SGCG: variants seen among roughly 807,000 people sequenced by gnomAD.
SGCG encodes the protein sarcoglycan gamma, also known as gamma-sarcoglycan.
Under a neutral mutation model 29.3 loss-of-function variants are expected in SGCG, and 26 were observed. The observed-to-expected ratio is 0.89, with a 90% confidence interval of 0.65 to 1.23. The LOEUF (loss-of-function observed/expected upper bound fraction) is 1.23, where lower values mean the gene tolerates loss of function less well. Ranked by LOEUF, SGCG falls within the 50% of genes most tolerant of loss-of-function variation. The pLI is 0.00. For missense variants in SGCG, 353 were observed against 356.0 expected (o/e 0.99, Z 0.07); for synonymous variants, 145 against 129.7 (o/e 1.12, Z -0.80).
rs767248231 is a variant in SGCG at position 23,250,610 on chromosome 13, T to G, written c.298-20T>G. The G allele has an allele frequency of 6.7e-7, 1 of 1,485,322 alleles. No homozygotes were observed. The highest frequency in any genetic ancestry group is 2.3e-5 in the East Asian group (1 of 44,158). The allele number at this position is 1,485,322 out of a possible 1,614,324, so 92.0% of individuals were successfully genotyped here. ...TTTTAAACAGCACCTATTTTGCAAATTTTATAAATCTCTTTCTAGGACTCA... is the reference window on the plus strand; with the variant it reads ...TTTTAAACAGCACCTATTTTGCAAAGTTTATAAATCTCTTTCTAGGACTCA... On this transcript the variant is annotated intron_variant, in intron 3 of 7. Coordinates refer to ENST00000218867, the MANE Select transcript of SGCG (RefSeq NM_000231.3).
In SGCG at chr13:23,302,459, C is replaced by G. The variant is rs139702193; in HGVS notation, c.578+6972C>G. ...TATCTATTAGCCAGCCCCTCCCTAT[C>G]CTCTCCTCCTCCCATTATTGTATAT... On this transcript the variant is annotated intron_variant, in intron 6 of 7. Transcript: ENST00000218867. Among the ~76,000 whole-genome samples, 831 of 152,090 alleles carry G rather than the reference C, an allele frequency of 5.5e-3. 8 individuals carry two copies. Among genetic ancestry groups the G allele is most frequent in the African/African-American group, 0.019 (789 of 41,532 alleles).
intron 2 of SGCG, among the ~76,000 whole-genome samples, chr13:23,214,296 G>A (rs1878344619): frequency 6.6e-6 from 1 of 152,176 alleles, no homozygotes; most frequent in Non-Finnish European, 1.5e-5. Flanking sequence ...TTGAGACTGA[G>A]CTCCCATCTC....
intron 2 of SGCG, among the ~76,000 whole-genome samples, chr13:23,226,428 C>CAAAA (rs34211778): frequency 2.1e-5 from 3 of 143,164 alleles, no homozygotes; most frequent in African/African-American, 7.7e-5. Context: ...AGGCTGAGAG[C>CAAAA]AAAAAAAAAA....
chr13:23,241,664 CA>C (rs1879520655), intron 3 of SGCG, among the ~76,000 whole-genome samples: 1 of 151,948 alleles, frequency 6.6e-6, no homozygotes, highest in Non-Finnish European at 1.5e-5. Context: ...AAGAACAAAA[CA>C]AAAAAGAAAA....
intron 6 of SGCG, among the ~76,000 whole-genome samples, chr13:23,298,847 C>T (rs545801934): frequency 1.3e-5 from 2 of 152,220 alleles, no homozygotes; most frequent in East Asian, 3.9e-4. Flanking sequence ...AGAAACGGCA[C>T]AAGAGTATTC....
rs1180551378 is a variant in SGCG, at chr13:23,295,441, TC to T, written c.533del (p.Ser178Ter). On this transcript the variant is annotated frameshift_variant, in exon 6 of 8. Transcript: ENST00000218867. LOFTEE classifies it high-confidence loss of function. Reference sequence around the variant, plus strand: ...GCCTGAAGGGGCTCTTTTTGAACATTCAGTGGAGACACCCCTTGTCAGAGCC... The same window carrying T: ...GCCTGAAGGGGCTCTTTTTGAACATTAGTGGAGACACCCCTTGTCAGAGCC... The part of the protein sequence containing the change: ...TGPEGALFEH[S>X]VETPLVRADP... 1 of 1,614,102 alleles carries T rather than the reference TC, an allele frequency of 6.2e-7. No homozygotes were observed. The highest frequency in any genetic ancestry group is 1.7e-5 in the Admixed American group (1 of 60,026).
intron 1 of SGCG, among the ~76,000 whole-genome samples, chr13:23,197,848 G>A (rs1019896720): frequency 2.6e-5 from 4 of 152,122 alleles, no homozygotes; most frequent in Non-Finnish European, 5.9e-5. Flanking sequence ...ATTGAAAACA[G>A]ACACTGACTC....
chr13:23,265,584 AT>A (rs1217259512), intron 4 of SGCG, among the ~76,000 whole-genome samples: 3 of 152,194 alleles, frequency 2.0e-5, no homozygotes, highest in South Asian at 2.1e-4. Flanking sequence ...CTCAAAAAAA[AT>A]AAATAAATAA....
At chr13:23,196,229 TG>T (rs1593166797) in intron 1 of SGCG, among the ~76,000 whole-genome samples, 1 of 152,156 alleles carries the variant, frequency 6.6e-6, no homozygotes, top group East Asian at 1.9e-4. Flanking sequence ...TGTCCAGTTT[TG>T]CCCCAGTACA....
chr13:23,249,541 A>T (rs1294766734), intron 3 of SGCG, among the ~76,000 whole-genome samples: 1 of 116,382 alleles, frequency 8.6e-6, no homozygotes, highest in African/African-American at 3.6e-5. Context: ...AAGTTTTGAG[A>T]CAAGTAAAGC....
At chr13:23,192,691 C>T (rs116423299) in intron 1 of SGCG, among the ~76,000 whole-genome samples, 46 of 152,110 alleles carry the variant, frequency 3.0e-4, no homozygotes, top group African/African-American at 1.0e-3. Flanking sequence ...CCATGGCGCC[C>T]GGCTGGTAGG....
At chr13:23,221,737 G>C (rs1403077544) in intron 2 of SGCG, among the ~76,000 whole-genome samples, 1 of 152,228 alleles carries the variant, frequency 6.6e-6, no homozygotes, top group African/African-American at 2.4e-5. Context: ...CTGCACACAG[G>C]ACTTAGATGA....
At chr13:23,172,383 A>G in the SGCG span, among the ~76,000 whole-genome samples, 1 of 152,166 alleles carries the variant, frequency 6.6e-6, no homozygotes, top group African/African-American at 2.4e-5. Context: ...TTTATAAATT[A>G]TATTCAAATA....
chr13:23,261,445 A>G (rs1336377713), intron 4 of SGCG, among the ~76,000 whole-genome samples: 1 of 152,086 alleles, frequency 6.6e-6, no homozygotes, highest in Non-Finnish European at 1.5e-5. Flanking sequence ...AATTAACTGA[A>G]TCAGACACAA....
chr13:23,193,580 G>A (rs147592650), intron 1 of SGCG, among the ~76,000 whole-genome samples: 88 of 152,284 alleles, frequency 5.8e-4, no homozygotes, highest in Middle Eastern at 6.8e-3. Flanking sequence ...GGGAATGGCC[G>A]ATGCCATGGA....
At chr13:23,233,149 A>T (rs767151182) in intron 2 of SGCG, among the ~76,000 whole-genome samples, 3 of 152,226 alleles carry the variant, frequency 2.0e-5, no homozygotes, top group Non-Finnish European at 4.4e-5. Flanking sequence ...AATGCCCAAA[A>T]TGTGGAAGCA....
chr13:23,172,924 C>T, the SGCG span, among the ~76,000 whole-genome samples: 9 of 152,158 alleles, frequency 5.9e-5, no homozygotes, highest in Admixed American at 4.6e-4. Context: ...GCCCCTACTA[C>T]GTAGTAGATT....
chr13:23,216,856 T>C (rs182459865), intron 2 of SGCG, among the ~76,000 whole-genome samples: 65 of 152,262 alleles, frequency 4.3e-4, no homozygotes, highest in Admixed American at 7.2e-4. Context: ...CCTGACAGTC[T>C]TAATTTAATC....
chr13:23,231,808 G>A (rs1205756855), intron 2 of SGCG, among the ~76,000 whole-genome samples: 1 of 152,070 alleles, frequency 6.6e-6, no homozygotes, highest in Non-Finnish European at 1.5e-5. Context: ...AAATCTCCCA[G>A]TGCATCACAC....
Sources: allele counts gnomAD v4.1 joint callset (sites outside exome capture counted in the v4.1 genomes callset), GRCh38; gene constraint gnomAD v4.1.1; transcripts MANE v1.5; gene names NCBI Gene and HGNC (gene_info 2026-07-23, HGNC 2026-07-21).